RHEB: variants seen among roughly 807,000 people sequenced by gnomAD.
RHEB encodes the protein GTP-binding protein Rheb.
RHEB carries 2 observed loss-of-function variants against 28.8 expected under a neutral mutation model. That is an observed-to-expected ratio of 0.07 (90% confidence interval 0.03 to 0.22). The LOEUF (loss-of-function observed/expected upper bound fraction) is 0.22. RHEB is among the 10% of genes least tolerant of loss of function. The probability of loss-of-function intolerance (pLI) is 1.00; values close to 1 mark genes in which losing one functional copy is unlikely to be tolerated. For missense variants in RHEB, 76 were observed against 219.9 expected (o/e 0.35, Z 4.14); for synonymous variants, 69 against 77.3 (o/e 0.89, Z 0.56).
At chr7:151,482,797 C>T (rs1271873467) in intron 3 of RHEB, among the ~76,000 whole-genome samples, 1 of 152,154 alleles carries the variant, frequency 6.6e-6, no homozygotes, top group Non-Finnish European at 1.5e-5. Flanking sequence ...ATTATATAGT[C>T]AACTATAAAA....
At chr7:151,502,785 G>A (rs1391074023) in intron 1 of RHEB, 2 of 1,443,666 alleles carry the variant, frequency 1.4e-6, no homozygotes, top group Non-Finnish European at 2.0e-6. Flanking sequence ...GAAAGTAGCA[G>A]AGACTGCTGT....
At chr7:151,481,130 CTTT>C (rs11296574) in intron 3 of RHEB, among the ~76,000 whole-genome samples, 2 of 144,050 alleles carry the variant, frequency 1.4e-5, no homozygotes, top group African/African-American at 5.0e-5. Flanking sequence ...GAAGAGGCTA[CTTT>C]TTTTTTTTTT....
chr7:151,504,421 C>T (rs1802830390), intron 1 of RHEB, among the ~76,000 whole-genome samples: 2 of 152,282 alleles, frequency 1.3e-5, no homozygotes, highest in Admixed American at 1.3e-4. Flanking sequence ...TGAAGCCCTG[C>T]TTTTCACCCT....
At chr7:151,504,428 C>T (rs1238774804) in intron 1 of RHEB, among the ~76,000 whole-genome samples, 2 of 152,122 alleles carry the variant, frequency 1.3e-5, no homozygotes, top group East Asian at 1.9e-4. Context: ...CTGCTTTTCA[C>T]CCTGCAGAAT....
chr7:151,474,105 A>T (rs1290029006), intron 4 of RHEB, among the ~76,000 whole-genome samples: 3 of 152,186 alleles, frequency 2.0e-5, no homozygotes, highest in African/African-American at 7.2e-5. Flanking sequence ...GACTGAATGT[A>T]TATTTATGCT....
At chr7:151,480,401 AC>A in intron 3 of RHEB, among the ~76,000 whole-genome samples, 1 of 152,170 alleles carries the variant, frequency 6.6e-6, no homozygotes, top group East Asian at 1.9e-4. Flanking sequence ...AGGAAAAAAA[AC>A]AAAACAAAAC....
intron 1 of RHEB, among the ~76,000 whole-genome samples, chr7:151,494,654 G>C (rs191120365): frequency 6.6e-6 from 1 of 152,320 alleles, no homozygotes; most frequent in East Asian, 1.9e-4. Context: ...TATTCCTCCA[G>C]GGTGGAAACT....
intron 2 of RHEB, among the ~76,000 whole-genome samples, chr7:151,487,323 A>C (rs1802495150): frequency 6.6e-6 from 1 of 152,132 alleles, no homozygotes; most frequent in African/African-American, 2.4e-5. Flanking sequence ...ATAAATTATA[A>C]AATAAAGCCC....
intron 2 of RHEB, among the ~76,000 whole-genome samples, chr7:151,489,545 C>A (rs973068271): frequency 6.6e-6 from 1 of 152,190 alleles, no homozygotes; most frequent in Non-Finnish European, 1.5e-5. Flanking sequence ...CAAAGGACAG[C>A]CAAATATTTT....
chr7:151,490,135 TAG>T (rs1397312179), intron 2 of RHEB, among the ~76,000 whole-genome samples: 6 of 152,178 alleles, frequency 3.9e-5, no homozygotes, highest in African/African-American at 1.4e-4. Flanking sequence ...TGGCGATCCC[TAG>T]AATCAAGATC....
chr7:151,468,614 T>C lies in RHEB; in HGVS notation c.463-1403A>G, dbSNP rs1280308131. Among the ~76,000 whole-genome samples, 2 of 152,226 alleles carry C rather than the reference T, an allele frequency of 1.3e-5. No individual in the cohort carries two copies. The highest frequency in any genetic ancestry group is 2.9e-5 in the Non-Finnish European group (2 of 68,052). ...CTTACGCTCAGCTGAAAACCTTGTT[T>C]TACACACTTCACTGGAAAACAGAAG... On this transcript the variant is annotated intron_variant, in intron 7 of 7. Transcript: ENST00000262187. This position sits in a 1 kb window ranked among gnomAD's most constrained non-coding sequence, Gnocchi z 4.3.
intron 1 of RHEB, chr7:151,502,533 T>C: frequency 9.7e-7 from 1 of 1,026,844 alleles, no homozygotes; most frequent in Non-Finnish European, 1.6e-6. Flanking sequence ...TTTGAATCTT[T>C]CAAACCAATT....
chr7:151,485,759 G>A (rs73154863), intron 2 of RHEB, among the ~76,000 whole-genome samples: 16,435 of 152,192 alleles, frequency 0.11, 1,582 homozygotes, highest in African/African-American at 0.25. Context: ...TCTTATCTGA[G>A]TTATATGAGT....
chr7:151,470,640 A>G lies in RHEB; in HGVS notation c.393T>C (p.Tyr131=), dbSNP rs770847677. Reference sequence around the variant, plus strand: ...ATTCTGCCAAAGCTTTCCCTTCTTCATAACTGATCACCCTAAAGAAAAAAT... The same window carrying G: ...ATTCTGCCAAAGCTTTCCCTTCTTCGTAACTGATCACCCTAAAGAAAAAAT... The part of the protein sequence containing the change: ...KDLHMERVIS[Y]EEGKALAESW... Residue 131 remains tyrosine (Y), a synonymous_variant, in exon 7 of 8, where the codon TAT becomes TAC. Transcript: ENST00000262187. The G allele has an allele frequency of 5.0e-6, 8 of 1,610,630 alleles. No individual in the cohort carries two copies. The highest frequency in any genetic ancestry group is 4.5e-5 in the East Asian group (2 of 44,864).
intron 3 of RHEB, among the ~76,000 whole-genome samples, chr7:151,480,402 C>G (rs879204986): frequency 1.4e-5 from 2 of 147,000 alleles, no homozygotes; most frequent in African/African-American, 2.5e-5. Context: ...GGAAAAAAAA[C>G]AAAACAAAAC....
chr7:151,497,841 T>C (rs1802701154), intron 1 of RHEB, among the ~76,000 whole-genome samples: 1 of 152,210 alleles, frequency 6.6e-6, no homozygotes, highest in African/African-American at 2.4e-5. Context: ...ACCTTCCTCC[T>C]CCTGAATTAG....
intron 2 of RHEB, among the ~76,000 whole-genome samples, chr7:151,489,618 T>G (rs1360645361): frequency 6.6e-6 from 1 of 152,228 alleles, no homozygotes; most frequent in African/African-American, 2.4e-5. Context: ...TATTTTAGGC[T>G]TTGTAGGCCA....
chr7:151,513,462 T>G (rs780698546), intron 1 of RHEB, among the ~76,000 whole-genome samples: 4 of 152,230 alleles, frequency 2.6e-5, no homozygotes, highest in East Asian at 1.9e-4. Context: ...ACTTAAGACT[T>G]TGCAGAGATT....
chr7:151,491,326 T>C (rs1040881827), intron 1 of RHEB, among the ~76,000 whole-genome samples: 1 of 152,252 alleles, frequency 6.6e-6, no homozygotes, highest in Non-Finnish European at 1.5e-5. Flanking sequence ...TAAGCTAATT[T>C]CCTCTAGTAT....
Sources: gnomAD v4.1 joint callset for allele counts (sites outside exome capture counted in the v4.1 genomes callset) on GRCh38, gnomAD v4.1.1 for gene constraint, Gnocchi (gnomAD v3.1) non-coding constraint, MANE v1.5 for transcripts, NCBI Gene and HGNC (gene_info 2026-07-23, HGNC 2026-07-21) for gene names.